CACNA1I: variants seen among roughly 807,000 people sequenced by gnomAD.
CACNA1I encodes voltage-dependent T-type calcium channel subunit alpha-1I.
A neutral mutation model predicts 201.6 loss-of-function variants in CACNA1I; 74 were observed. The observed-to-expected ratio is 0.37, with a 90% CI of 0.30 to 0.45. The LOEUF is 0.45. Ranked by LOEUF, CACNA1I falls within the 20% of genes least tolerant of loss-of-function variation. The pLI, the probability that CACNA1I is intolerant of heterozygous loss-of-function variation, is 1.00. For missense variants in CACNA1I, 2,346 were observed against 3,138.1 expected, an observed-to-expected ratio of 0.75 and a Z score of 6.03; for synonymous variants, 1,431 against 1,345.2, an observed-to-expected ratio of 1.06 and a Z score of -1.40.
chr22:39,637,910 C>CT (rs764128454), intron 5 of CACNA1I, among the ~76,000 whole-genome samples: 28 of 152,080 alleles, frequency 1.8e-4, no homozygotes, highest in Middle Eastern at 3.4e-3. Flanking sequence ...CCAAATCTAG[C>CT]TTTGTGTATG....
In CACNA1I at chr22:39,646,761, A is replaced by G. The variant is rs754359199; in HGVS notation, c.1342A>G (p.Lys448Glu). 1.3e-6 allele frequency: 2 copies of G among 1,591,810 alleles called. No homozygotes were observed. Among genetic ancestry groups the G allele is most frequent in the South Asian group, 2.3e-5 (2 of 87,812 alleles). The change falls in exon 8 of 37, where the codon AAG becomes GAG. Residue 448 changes from lysine (K) to glutamate (E), a missense_variant. This residue lies in a region of CACNA1I where 312 missense variants were observed against 331.5 expected (regional missense o/e 0.94). Coordinates refer to ENST00000402142, the MANE Select transcript of CACNA1I (RefSeq NM_021096.4). Reference sequence around the variant, plus strand: ...CCAGTATGTCTGCCACATCCTGCGCAAGGCCAAGCGCCGCGCCCTGGGCCT... The same window carrying G: ...CCAGTATGTCTGCCACATCCTGCGCGAGGCCAAGCGCCGCGCCCTGGGCCT... Reference protein sequence around the residue: ...IFQYVCHILRKAKRRALGLYQ... With the variant: ...IFQYVCHILREAKRRALGLYQ...
intron 1 of CACNA1I, among the ~76,000 whole-genome samples, chr22:39,585,386 C>CTTTTTTT (rs67733131): frequency 1.5e-4 from 14 of 90,422 alleles, no homozygotes; most frequent in Admixed American, 2.4e-4. Context: ...TTCTTTCTTT[C>CTTTTTTT]TTTTTTTTTT....
intron 31 of CACNA1I, 141 bp downstream of exon 31, chr22:39,678,249 C>T: frequency 1.0e-6 from 1 of 980,884 alleles, no homozygotes. Flanking sequence ...AGTGGAGGGG[C>T]CTGCCCAGGA....
At chr22:39,663,891 C>T in intron 19 of CACNA1I, 50 bp downstream of exon 19, 1 of 1,608,136 alleles carries the variant, frequency 6.2e-7, no homozygotes, top group Non-Finnish European at 8.5e-7. Context: ...CAAGGGACAG[C>T]TCGCCAGGGC....
At chr22:39,650,063 A>G in intron 10 of CACNA1I, 138 bp downstream of exon 10, 2 of 915,584 alleles carry the variant, frequency 2.2e-6, no homozygotes, top group South Asian at 3.2e-5. Flanking sequence ...AGCTGGGTCC[A>G]GTTCATCCAT....
Position 39,687,672 on chromosome 22 carries a change from T to A in CACNA1I, c.*1267T>A, listed in dbSNP as rs1384224111. ...CCCTGTCTCTCCTCCCCGCTGCCCC[T>A]AACTGCAGCTCAGCTTTCACTATAG... On this transcript the variant is annotated 3_prime_UTR_variant, in exon 37 of 37. Transcript: ENST00000402142. 6 of 152,232 alleles carry A rather than the reference T, an allele frequency of 3.9e-5. No homozygotes were observed. The highest frequency in any genetic ancestry group is 7.3e-5 in the Non-Finnish European group (5 of 68,060). 9.4% of individuals were successfully genotyped at this position (152,232 alleles called of 1,614,324 possible).
At chr22:39,651,132 T>C (rs183559544) in intron 10 of CACNA1I, among the ~76,000 whole-genome samples, 3 of 152,272 alleles carry the variant, frequency 2.0e-5, no homozygotes, top group East Asian at 3.9e-4. Flanking sequence ...CTGGTGACCC[T>C]GAGGTCCAAC....
Position 39,646,628 on chromosome 22 carries a change from G to C in CACNA1I, c.1209G>C (p.Glu403Asp). The change falls in exon 8 of 37, where the codon GAG becomes GAC. Residue 403 changes from glutamate (E) to aspartate (D), a missense_variant. By Grantham distance (45) the Glu-to-Asp change is conservative (BLOSUM62 2). Transcript: ENST00000402142. ...TTGTCATAGCGACCCAGTTCTCGGA[G>C]ACCAAGCAACGGGAGCACCGGCTGA... ...CLVVIATQFSETKQREHRLML... is the reference protein window; with the variant it reads ...CLVVIATQFSDTKQREHRLML... 6.4e-7 allele frequency: 1 copy of C among 1,573,326 alleles called. No individual in the cohort carries two copies. The highest frequency in any genetic ancestry group is 8.6e-7 in the Non-Finnish European group (1 of 1,159,668).
At chr22:39,609,258 G>A (rs1428858395) in intron 3 of CACNA1I, among the ~76,000 whole-genome samples, 1 of 152,226 alleles carries the variant, frequency 6.6e-6, no homozygotes, top group African/African-American at 2.4e-5. Flanking sequence ...GGCAGAGTCA[G>A]GAGTTGAACC....
rs781472492 is a variant in CACNA1I at position 39,658,250 on chromosome 22, C to T, written c.2091C>T (p.Phe697=). 2.1e-5 allele frequency: 34 copies of T among 1,613,832 alleles called. No homozygotes were observed. The highest frequency in any genetic ancestry group is 1.3e-4 in the East Asian group (6 of 44,890). Residue 697 remains phenylalanine, a synonymous_variant, in exon 11 of 37, where the codon TTC becomes TTT. Coordinates refer to ENST00000402142, the MANE Select transcript of CACNA1I (RefSeq NM_021096.4). ...MILKLAAFGL[F]DYLRNPYNIF... ...TGAAGCTGGCTGCATTTGGGCTCTT[C>T]GACTACCTGCGTAACCCCTACAACA...
chr22:39,662,195 C>T lies in CACNA1I; in HGVS notation c.3132C>T (p.Pro1044=), dbSNP rs373250232. The T allele has an allele frequency of 2.6e-6, 4 of 1,529,344 alleles. No homozygotes were observed. Among genetic ancestry groups the T allele is most frequent in the Non-Finnish European group, 3.5e-6 (4 of 1,141,620 alleles). 94.7% of individuals were successfully genotyped at this position (1,529,344 alleles called of 1,614,324 possible). A position where few individuals can be genotyped will look rare whatever the true frequency, so the allele number is the denominator to read the frequency against. ...TPHAHHIHHG[P]HLAHRHRHHR... is the part of the protein sequence containing the mutation. ...ACGCCCACCACATTCATCACGGGCC[C>T]CATCTGGCGCACCGCCACCGCCACC... Residue 1044 remains proline, a synonymous_variant, in exon 17 of 37, where the codon CCC becomes CCT. Coordinates refer to ENST00000402142, the MANE Select transcript of CACNA1I (RefSeq NM_021096.4).
At chr22:39,653,408 C>T (rs533418126) in intron 10 of CACNA1I, among the ~76,000 whole-genome samples, 3 of 152,314 alleles carry the variant, frequency 2.0e-5, no homozygotes, top group East Asian at 1.9e-4. Flanking sequence ...TTGCTCCGCT[C>T]GCTCGGCTCC....
Position 39,684,279 on chromosome 22 carries a change from T to C in CACNA1I, c.5831-23T>C, listed in dbSNP as rs1327282467. 4 of 1,610,630 alleles carry C rather than the reference T, an allele frequency of 2.5e-6. No homozygotes were observed. In the South Asian group the frequency reaches 4.4e-5, roughly 18 times the overall value. ...CCTGGCCTGAGCGTGCTCCCTCAGC[T>C]CTGTCTTCTCCTTTCCCAGCAGCAC... On this transcript the variant is annotated intron_variant, in intron 35 of 36. Coordinates refer to ENST00000402142, the MANE Select transcript of CACNA1I (RefSeq NM_021096.4). The surrounding 1 kb of genome is among the most constrained non-coding windows in gnomAD (Gnocchi z 4.6).
Position 39,591,021 on chromosome 22 carries a change from T to C in CACNA1I, c.237-7130T>C, listed in dbSNP as rs28452676. Among the ~76,000 whole-genome samples the C allele has an allele frequency of 1.7e-3, 101 of 60,360 alleles. No individual in the cohort carries two copies. In the East Asian group the frequency reaches 0.041, roughly 24 times the overall value. The allele number at this position is 60,360 out of a possible 152,430, so 39.6% of individuals were successfully genotyped here. A position where few individuals can be genotyped will look rare whatever the true frequency, so the allele number is the denominator to read the frequency against. On this transcript the variant is annotated intron_variant, in intron 1 of 36. Transcript: ENST00000402142. ...ACCACAGCTGGCTAATTAAAAAATT[T>C]TTTTTTTTTTTTGCAGATATGAGGT... is the stretch of plus-strand genomic sequence containing the variant.
At position 39,664,576 on chromosome 22, in the gene CACNA1I, C is replaced by T. The variant is rs181505292; in HGVS notation, c.3667-163C>T. Among the ~76,000 whole-genome samples, 104 of 152,112 alleles carry T rather than the reference C, an allele frequency of 6.8e-4. No homozygotes were observed. In the East Asian group the frequency reaches 0.019, roughly 28 times the overall value. ...CCCATCAACCGCCCTCAGAGGGCGG[C>T]CTGAACCCTCCCCTTCCCTTCGGCC... On this transcript the variant is annotated intron_variant, in intron 20 of 36. Transcript: ENST00000402142.
At position 39,687,050 on chromosome 22, in the gene CACNA1I, C is replaced by T. The variant is rs1002760322; in HGVS notation, c.*645C>T. The T allele has an allele frequency of 6.6e-6, 1 of 152,122 alleles. No homozygotes were observed. Among genetic ancestry groups the T allele is most frequent in the African/African-American group, 2.4e-5 (1 of 41,394 alleles). 9.4% of individuals were successfully genotyped at this position (152,122 alleles called of 1,614,324 possible). A position where few individuals can be genotyped will look rare whatever the true frequency, so the allele number is the denominator to read the frequency against. On this transcript the variant is annotated 3_prime_UTR_variant, in exon 37 of 37. Transcript: ENST00000402142. ...ACTGTCTCGTTATTGTGAAGTCTTT[C>T]GTAGACACCCCAGAGCACACACATC...
chr22:39,624,412 G>A (rs1933841943), intron 4 of CACNA1I, among the ~76,000 whole-genome samples: 1 of 152,138 alleles, frequency 6.6e-6, no homozygotes. Context: ...AGCTCCGAGC[G>A]GGCTCCGAGC....
intron 10 of CACNA1I, among the ~76,000 whole-genome samples, chr22:39,653,031 C>T (rs1047756373): frequency 2.0e-5 from 3 of 151,962 alleles, no homozygotes; most frequent in Admixed American, 6.6e-5. Context: ...AATGGGTACA[C>T]GGATCCCCCC....
intron 1 of CACNA1I, among the ~76,000 whole-genome samples, chr22:39,575,932 G>A (rs1932331046): frequency 6.6e-6 from 1 of 152,074 alleles, no homozygotes; most frequent in South Asian, 2.1e-4. Context: ...GCACCACCAT[G>A]CCGGGCTAAT....
Sources: allele counts gnomAD v4.1 joint callset (sites outside exome capture counted in the v4.1 genomes callset), GRCh38; gene constraint gnomAD v4.1.1; regional missense constraint gnomAD v4.1.1; non-coding constraint Gnocchi (gnomAD v3.1); transcripts MANE v1.5; gene names NCBI Gene and HGNC (gene_info 2026-07-23, HGNC 2026-07-21).